RBMS3: variants seen among roughly 807,000 people sequenced by gnomAD.
RBMS3 encodes RNA binding motif single stranded interacting protein 3.
RBMS3 carries 27 observed loss-of-function variants against 66.8 expected under a neutral mutation model. The ratio of observed to expected loss-of-function variants is 0.40; its 90% CI spans 0.30 to 0.56. RBMS3 has a LOEUF of 0.56. Ranked by LOEUF, RBMS3 falls within the 20% of genes least tolerant of loss-of-function variation. RBMS3 has a pLI of 0.40. For synonymous variants in RBMS3, 188 were observed against 183.0 expected, an observed-to-expected ratio of 1.03 and a Z score of -0.22; for missense variants, 513 against 549.5, an observed-to-expected ratio of 0.93 and a Z score of 0.66.
chr3:29,507,774 A>G (rs2148949466), intron 3 of RBMS3, among the ~76,000 whole-genome samples: 1 of 152,276 alleles, frequency 6.6e-6, no homozygotes, highest in African/African-American at 2.4e-5. Flanking sequence ...TCTGACCACA[A>G]TTCTCTAAAC....
intron 4 of RBMS3, among the ~76,000 whole-genome samples, chr3:29,649,429 C>T (rs1332082790): frequency 1.6e-4 from 24 of 152,142 alleles, no homozygotes; most frequent in Admixed American, 1.5e-3. Flanking sequence ...CAAGCATATT[C>T]TTACTTTTTT....
At chr3:29,798,307 A>C (rs2057273742) in intron 6 of RBMS3, among the ~76,000 whole-genome samples, 1 of 90,338 alleles carries the variant, frequency 1.1e-5, no homozygotes, top group Non-Finnish European at 2.1e-5. Context: ...AAGGGAGGGG[A>C]AGGGAGGGGA....
chr3:29,868,514 A>T (rs1242821299), intron 6 of RBMS3, among the ~76,000 whole-genome samples: 1 of 152,212 alleles, frequency 6.6e-6, no homozygotes, highest in East Asian at 1.9e-4. Context: ...TTGAGGAAGA[A>T]ATATTTATCC....
At chr3:29,471,716 TAG>T (rs1491275015) in intron 2 of RBMS3, among the ~76,000 whole-genome samples, 5,191 of 72,244 alleles carry the variant, frequency 0.072, 273 homozygotes, top group East Asian at 0.31. Context: ...CATGAGGACT[TAG>T]TTTTTTTTTT....
intron 1 of RBMS3, among the ~76,000 whole-genome samples, chr3:29,369,487 AACACACACACACACAC>A (rs59274434): frequency 4.0e-4 from 54 of 135,358 alleles, no homozygotes; most frequent in South Asian, 1.1e-3. Context: ...ATCACTCCTT[AACACACACACACACAC>A]ACACACACAC....
chr3:29,404,978 G>A (rs2039954665), intron 1 of RBMS3, among the ~76,000 whole-genome samples: 1 of 152,014 alleles, frequency 6.6e-6, no homozygotes, highest in Non-Finnish European at 1.5e-5. Context: ...ATAATGAATG[G>A]TAATAAAACT....
intron 3 of RBMS3, among the ~76,000 whole-genome samples, chr3:29,544,577 T>C (rs1030242049): frequency 8.5e-5 from 13 of 152,254 alleles, no homozygotes; most frequent in African/African-American, 3.1e-4. Flanking sequence ...GATCTGCCTG[T>C]AGAACAAAAA....
intron 1 of RBMS3, among the ~76,000 whole-genome samples, chr3:29,433,908 A>G (rs189900361): frequency 3.9e-5 from 6 of 152,296 alleles, no homozygotes; most frequent in Non-Finnish European, 7.4e-5. Flanking sequence ...AGCACCAGGG[A>G]GCATTTGGCA....
At chr3:29,912,805 A>T (rs1170551841) in intron 10 of RBMS3, among the ~76,000 whole-genome samples, 1 of 151,998 alleles carries the variant, frequency 6.6e-6, no homozygotes, top group Admixed American at 6.6e-5. Context: ...TTTGGTGTTT[A>T]TTTAGTCTGA....
intron 6 of RBMS3, among the ~76,000 whole-genome samples, chr3:29,787,513 T>G (rs189773958): frequency 6.6e-6 from 1 of 152,140 alleles, no homozygotes; most frequent in Non-Finnish European, 1.5e-5. Flanking sequence ...TAAAAAGGAA[T>G]GAAATAATGG....
chr3:29,764,647 A>T (rs909582027), intron 6 of RBMS3, among the ~76,000 whole-genome samples: 2 of 152,056 alleles, frequency 1.3e-5, no homozygotes, highest in African/African-American at 4.8e-5. Context: ...TTGGTATGTC[A>T]AAAAGACGTA....
intron 2 of RBMS3, among the ~76,000 whole-genome samples, chr3:29,445,457 G>A (rs1316679773): frequency 6.6e-6 from 1 of 151,880 alleles, no homozygotes; most frequent in South Asian, 2.1e-4. Context: ...TCAGGTTTCA[G>A]CTGTCAAACA....
chr3:29,378,997 T>C (rs1198939111), intron 1 of RBMS3, among the ~76,000 whole-genome samples: 1 of 152,202 alleles, frequency 6.6e-6, no homozygotes, highest in Non-Finnish European at 1.5e-5. Flanking sequence ...TCCAGAGCAT[T>C]ATCTCTGTCT....
chr3:29,401,553 C>T (rs1461172243), intron 1 of RBMS3, among the ~76,000 whole-genome samples: 1 of 151,962 alleles, frequency 6.6e-6, no homozygotes, highest in African/African-American at 2.4e-5. Flanking sequence ...CTTTCTTAAA[C>T]TTAGGGCATG....
chr3:29,351,964 A>C (rs1462534090), intron 1 of RBMS3, among the ~76,000 whole-genome samples: 1 of 152,070 alleles, frequency 6.6e-6, no homozygotes, highest in Admixed American at 6.6e-5. Context: ...GAGTCCCAAC[A>C]CTAATTATTG....
chr3:29,626,023 G>A (rs1056114191), intron 4 of RBMS3, among the ~76,000 whole-genome samples: 16 of 152,244 alleles, frequency 1.1e-4, no homozygotes, highest in African/African-American at 3.6e-4. Context: ...CCAACAAAAA[G>A]CCCTTTAAAA....
At chr3:29,430,619 G>A (rs1301802761) in intron 1 of RBMS3, among the ~76,000 whole-genome samples, 1 of 152,134 alleles carries the variant, frequency 6.6e-6, no homozygotes, top group Non-Finnish European at 1.5e-5. Context: ...TGCTTACAAA[G>A]AGCCCTAGGG....
rs113675194 is a variant in RBMS3, at chr3:29,975,006, T to A, written c.1099-13137T>A. Reference sequence around the variant, plus strand: ...TTATATATAAAATACGTTTCTATATTTATTTTATATATAAAATACGTTTCT... The same window carrying A: ...TTATATATAAAATACGTTTCTATATATATTTTATATATAAAATACGTTTCT... On this transcript the variant is annotated intron_variant, in intron 12 of 14. Transcript: ENST00000383767. Among the ~76,000 whole-genome samples, 613 of 87,712 alleles carry A rather than the reference T, an allele frequency of 7.0e-3. 2 individuals are homozygous for A. The highest frequency in any genetic ancestry group is 0.013 in the Middle Eastern group (2 of 150). The allele number at this position is 87,712 out of a possible 152,430, so 57.5% of individuals were successfully genotyped here.
intron 6 of RBMS3, among the ~76,000 whole-genome samples, chr3:29,801,150 G>A (rs760585678): frequency 2.6e-5 from 4 of 152,024 alleles, no homozygotes; most frequent in Non-Finnish European, 5.9e-5. Context: ...CATATCAGAA[G>A]CCAAAACTGT....
Sources: allele counts gnomAD v4.1 joint callset (sites outside exome capture counted in the v4.1 genomes callset), GRCh38; gene constraint gnomAD v4.1.1; transcripts MANE v1.5; gene names NCBI Gene and HGNC (gene_info 2026-07-23, HGNC 2026-07-21).